SLC17A5: variants seen among roughly 807,000 people sequenced by gnomAD.
SLC17A5 encodes the protein sialin.
Under a neutral mutation model 59.4 loss-of-function variants are expected in SLC17A5, and 47 were observed. That is an observed-to-expected ratio of 0.79 (90% CI 0.63 to 1.01). The LOEUF is 1.01. Among genes scored for constraint, SLC17A5 ranks in the 50% least tolerant of loss-of-function variants. The pLI, the probability that SLC17A5 is intolerant of heterozygous loss-of-function variation, is 0.00. For missense variants in SLC17A5, 522 were observed against 595.5 expected (o/e 0.88, Z 1.28); for synonymous variants, 202 against 210.7 (o/e 0.96, Z 0.36).
At chr6:73,619,477 C>T (rs562372527) in intron 7 of SLC17A5, among the ~76,000 whole-genome samples, 313 of 151,954 alleles carry the variant, frequency 2.1e-3, no homozygotes, top group South Asian at 3.7e-3. Context: ...CATTTGAGCT[C>T]AGGAGTATGA....
At chr6:73,646,740 A>C (rs1315279455) in intron 1 of SLC17A5, among the ~76,000 whole-genome samples, 1 of 151,844 alleles carries the variant, frequency 6.6e-6, no homozygotes, top group Non-Finnish European at 1.5e-5. Context: ...GTGGGTGATC[A>C]TAACTTTCTG....
chr6:73,638,911 A>T (rs1298471866), intron 3 of SLC17A5, among the ~76,000 whole-genome samples: 2 of 152,206 alleles, frequency 1.3e-5, no homozygotes, highest in African/African-American at 4.8e-5. Flanking sequence ...CTGAGTGAGG[A>T]CATAAAGGGA....
At position 73,619,469 on chromosome 6, in the gene SLC17A5, T is replaced by C. The variant is rs575525942; in HGVS notation, c.978+2335A>G. 1.2e-4 allele frequency among the ~76,000 whole-genome samples: 18 copies of C among 152,104 alleles called. 1 individual carries two copies. The South Asian group carries it at 2.5e-3, about 21-fold the overall frequency. On this transcript the variant is annotated intron_variant, in intron 7 of 10. Transcript: ENST00000355773. Reference sequence around the variant, plus strand: ...TTGGGAGGCTGAGGCAGGAGGATCATTTGAGCTCAGGAGTATGAAACCAAC... The same window carrying C: ...TTGGGAGGCTGAGGCAGGAGGATCACTTGAGCTCAGGAGTATGAAACCAAC...
Position 73,595,063 on chromosome 6 carries a change from A to C in SLC17A5, c.*14T>G, listed in dbSNP as rs777587624. 1 of 1,613,932 alleles carries C rather than the reference A, an allele frequency of 6.2e-7. No individual in the cohort carries two copies. The highest frequency in any genetic ancestry group is 8.5e-7 in the Non-Finnish European group (1 of 1,179,868). On this transcript the variant is annotated 3_prime_UTR_variant, in exon 11 of 11. Coordinates refer to ENST00000355773, the MANE Select transcript of SLC17A5 (RefSeq NM_012434.5). ...AAAATACATTAATAGAGGCAGGATT[A>C]TTTATTGGTTCCTTCAGTGTCTGTG... is the stretch of plus-strand genomic sequence containing the variant.
intron 1 of SLC17A5, among the ~76,000 whole-genome samples, chr6:73,645,789 C>CAAAA (rs58205870): frequency 7.1e-4 from 54 of 75,688 alleles, no homozygotes; most frequent in Non-Finnish European, 1.0e-3. Flanking sequence ...GACTCCGTCT[C>CAAAA]AAAAAAAAAA....
At chr6:73,628,563 T>C (rs1768543463) in intron 6 of SLC17A5, among the ~76,000 whole-genome samples, 1 of 151,656 alleles carries the variant, frequency 6.6e-6, no homozygotes, top group Non-Finnish European at 1.5e-5. Flanking sequence ...AGAGGGAGAC[T>C]CTGTCCTCCC....
At position 73,639,311 on chromosome 6, in the gene SLC17A5, C is replaced by T. The variant is rs142114411; in HGVS notation, c.526-812G>A. On this transcript the variant is annotated intron_variant, in intron 3 of 10. Transcript: ENST00000355773. ...TAGTTAACCTCCCTGAACTTCAAGG[C>T]GGTTGCATAATTGTTGTAAAGATAA... Among the ~76,000 whole-genome samples, 418 of 152,142 alleles carry T rather than the reference C, an allele frequency of 2.7e-3. 3 individuals are homozygous for T. The highest frequency in any genetic ancestry group is 9.5e-3 in the African/African-American group (396 of 41,502).
intron 4 of SLC17A5, 111 bp downstream of exon 4, chr6:73,638,301 C>A (rs1415823548): frequency 2.5e-6 from 2 of 790,566 alleles, no homozygotes; most frequent in Non-Finnish European, 4.4e-6. Flanking sequence ...AATGTTCTCC[C>A]CAAAGGGGCA....
At chr6:73,651,460 C>CAAA (rs538079302) in intron 1 of SLC17A5, among the ~76,000 whole-genome samples, 43 of 29,732 alleles carry the variant, frequency 1.4e-3, no homozygotes, top group African/African-American at 2.8e-3. Context: ...AACTCCGTCT[C>CAAA]AAAAAAAAAA....
chr6:73,603,310 C>T (rs1302076916), intron 9 of SLC17A5, among the ~76,000 whole-genome samples: 1 of 152,106 alleles, frequency 6.6e-6, no homozygotes, highest in Non-Finnish European at 1.5e-5. Context: ...TCTTGAACTC[C>T]TGATCTCAGG....
chr6:73,644,299 T>C, intron 2 of SLC17A5, 108 bp downstream of exon 2: 2 of 882,300 alleles, frequency 2.3e-6, no homozygotes, highest in Non-Finnish European at 3.5e-6. Flanking sequence ...ATTCAGAGTA[T>C]ACACAAACAA....
At chr6:73,616,546 T>TACACACAC (rs56306141) in intron 7 of SLC17A5, among the ~76,000 whole-genome samples, 42 of 126,334 alleles carry the variant, frequency 3.3e-4, no homozygotes, top group African/African-American at 8.5e-4. Flanking sequence ...GTTTATTTAC[T>TACACACAC]ACACACACAC....
intron 2 of SLC17A5, among the ~76,000 whole-genome samples, chr6:73,643,599 C>A (rs1769399406): frequency 1.3e-5 from 2 of 152,180 alleles, no homozygotes. Context: ...GCCTCAGCCT[C>A]CTGAGTAGCT....
At chr6:73,647,197 T>C (rs1769621284) in intron 1 of SLC17A5, among the ~76,000 whole-genome samples, 1 of 152,186 alleles carries the variant, frequency 6.6e-6, no homozygotes, top group Non-Finnish European at 1.5e-5. Flanking sequence ...TGATTTATGG[T>C]TTAAAAAGCT....
intron 6 of SLC17A5, among the ~76,000 whole-genome samples, chr6:73,626,657 AG>A (rs1768433434): frequency 6.6e-6 from 1 of 152,260 alleles, no homozygotes; most frequent in South Asian, 2.1e-4. Context: ...CATTGTCCAC[AG>A]GGTAACCAGT....
At chr6:73,640,569 C>T (rs77959587) in intron 3 of SLC17A5, among the ~76,000 whole-genome samples, 174 of 152,314 alleles carry the variant, frequency 1.1e-3, no homozygotes, top group African/African-American at 4.0e-3. Context: ...ATTCCAACAG[C>T]ATGATACACT....
Position 73,596,866 on chromosome 6 carries a change from A to AAAAAAC in SLC17A5, c.1351-1653_1351-1652insGTTTTT, listed in dbSNP as rs1447662415. Among the ~76,000 whole-genome samples, 225 of 148,986 alleles carry AAAAAAC rather than the reference A, an allele frequency of 1.5e-3. 1 individual carries two copies. Among genetic ancestry groups the AAAAAAC allele is most frequent in the African/African-American group, 5.2e-3 (210 of 40,254 alleles). ...AGCAAGACTCCCTCTCAAAAACAAA[A>AAAAAAC]CAAAACAAAACTGGTTGGGCGTGGT... On this transcript the variant is annotated intron_variant, in intron 10 of 10. Transcript: ENST00000355773.
At chr6:73,638,557 T>C (rs966530214) in intron 3 of SLC17A5, 58 bp from the exon 4 acceptor site, 6 of 1,290,356 alleles carry the variant, frequency 4.6e-6, no homozygotes, top group Non-Finnish European at 4.5e-6. Context: ...GTTAATGCTT[T>C]AAAGTAAGTT....
chr6:73,620,427 A>T (rs942048987), intron 7 of SLC17A5, among the ~76,000 whole-genome samples: 1 of 152,214 alleles, frequency 6.6e-6, no homozygotes, highest in Non-Finnish European at 1.5e-5. Context: ...AGAACTTGGG[A>T]AAAATAAGAT....
Sources: allele counts gnomAD v4.1 joint callset (sites outside exome capture counted in the v4.1 genomes callset), GRCh38; gene constraint gnomAD v4.1.1; transcripts MANE v1.5; gene names NCBI Gene and HGNC (gene_info 2026-07-23, HGNC 2026-07-21).